Variants in ZNF382 observed in about 807,000 individuals in gnomAD.
ZNF382 encodes the protein zinc finger protein 382, also known as KRAB/zinc finger suppressor protein 1.
Under a neutral mutation model 38.8 loss-of-function variants are expected in ZNF382, and 20 were observed. That is an observed-to-expected ratio of 0.51 (90% CI 0.36 to 0.75). The LOEUF (loss-of-function observed/expected upper bound fraction) is 0.75. ZNF382 is among the 30% of genes least tolerant of loss of function. The probability of loss-of-function intolerance (pLI) is 0.00; values close to 1 mark genes in which losing one functional copy is unlikely to be tolerated. For missense variants in ZNF382, 546 were observed against 654.1 expected (o/e 0.83, Z 1.80); for synonymous variants, 202 against 223.1 (o/e 0.91, Z 0.84).
At chr19:36,621,669 C>T (rs1479382221) in intron 4 of ZNF382, among the ~76,000 whole-genome samples, 2 of 151,976 alleles carry the variant, frequency 1.3e-5, no homozygotes. Context: ...ATAGCATTTG[C>T]ACTGTATTAG....
intron 4 of ZNF382, among the ~76,000 whole-genome samples, chr19:36,614,987 T>C (rs774753623): frequency 7.6e-5 from 4 of 52,950 alleles, no homozygotes; most frequent in African/African-American, 5.5e-4. Context: ...TCCTTCTTTC[T>C]TTTTTTTTTT....
chr19:36,607,602 A>G lies in ZNF382; in HGVS notation c.-34A>G. The G allele has an allele frequency of 6.5e-7, 1 of 1,532,568 alleles. No homozygotes were observed. The highest frequency in any genetic ancestry group is 8.7e-7 in the Non-Finnish European group (1 of 1,145,942). 94.9% of individuals were successfully genotyped at this position (1,532,568 alleles called of 1,614,324 possible). On this transcript the variant is annotated 5_prime_UTR_variant, in exon 2 of 5. Transcript: ENST00000292928. Reference sequence around the variant, plus strand: ...GCTCAAAAGAGAAAGTTCATCTAGAAATCTCAAAGCCATGTCTCAGGTGAG... The same window carrying G: ...GCTCAAAAGAGAAAGTTCATCTAGAGATCTCAAAGCCATGTCTCAGGTGAG...
rs555288256 is a variant in ZNF382 at position 36,616,361 on chromosome 19, G to A, written c.232+5619G>A. On this transcript the variant is annotated intron_variant, in intron 4 of 4. Transcript: ENST00000292928. ...CCAGCCTGGGCAAGAGTGAGACCTC[G>A]TCTCTAAATAACTAAAATGTTTAAA... Among the ~76,000 whole-genome samples, 107 of 152,256 alleles carry A rather than the reference G, an allele frequency of 7.0e-4. 2 individuals carry two copies. The South Asian group carries it at 0.018, about 26-fold the overall frequency.
rs1436230771 is a variant in ZNF382, at chr19:36,624,091, A to G, written c.233-2039A>G. On this transcript the variant is annotated intron_variant, in intron 4 of 4. Transcript: ENST00000292928. Reference sequence around the variant, plus strand: ...GTGACAGAGTGAGACTTTGTCTCAAAAAAAAAAAGGAAAGACTATGTGAAA... The same window carrying G: ...GTGACAGAGTGAGACTTTGTCTCAAGAAAAAAAAGGAAAGACTATGTGAAA... Among the ~76,000 whole-genome samples, 8 of 152,150 alleles carry G rather than the reference A, an allele frequency of 5.3e-5. No homozygotes were observed. The East Asian group carries it at 1.5e-3, about 29-fold the overall frequency.
Position 36,626,686 on chromosome 19 carries a change from G to A in ZNF382, c.789G>A (p.Met263Ile). The A allele has an allele frequency of 1.2e-6, 2 of 1,613,924 alleles. No individual in the cohort carries two copies. Among genetic ancestry groups the A allele is most frequent in the Non-Finnish European group, 1.7e-6 (2 of 1,180,018 alleles). The stretch of plus-strand genomic sequence containing the variant: ...TCAGTGTCCATCCAAGTAATCTTAT[G>A]GAAAAGAAGCCCTCTGCCTACAACA... ...SSLSVHPSNLMEKKPSAYNKY... is the reference protein window; with the variant it reads ...SSLSVHPSNLIEKKPSAYNKY... Residue 263 changes from methionine to isoleucine, a missense_variant, in exon 5 of 5, where the codon ATG (methionine) becomes ATA (isoleucine). Transcript: ENST00000292928.
rs2037070491 is a variant in ZNF382 at position 36,610,706 on chromosome 19, T to C, written c.196T>C (p.Trp66Arg). ...IRKLEQGEEL[W>R]TQRIFPSYSY... ...CAAGTTGGAACAAGGAGAAGAGCTA[T>C]GGACACAGAGAATTTTTCCAAGTTA... Residue 66 changes from tryptophan to arginine, a missense_variant, in exon 4 of 5, where the codon TGG becomes CGG. Trp to Arg is a moderately radical substitution (Grantham distance 101, BLOSUM62 -3). Transcript: ENST00000292928. 3 of 1,613,504 alleles carry C rather than the reference T, an allele frequency of 1.9e-6. No individual in the cohort carries two copies. Among genetic ancestry groups the C allele is most frequent in the East Asian group, 2.2e-5 (1 of 44,806 alleles).
At position 36,628,431 on chromosome 19, in the gene ZNF382, T is replaced by A. The variant is rs186238251; in HGVS notation, c.*881T>A. 6.5e-6 allele frequency: 1 copy of A among 153,094 alleles called. No homozygotes were observed. Among genetic ancestry groups the A allele is most frequent in the African/African-American group, 2.4e-5 (1 of 41,578 alleles). The allele number at this position is 153,094 out of a possible 1,614,324, so 9.5% of individuals were successfully genotyped here. On this transcript the variant is annotated 3_prime_UTR_variant, in exon 5 of 5. Coordinates refer to ENST00000292928, the MANE Select transcript of ZNF382 (RefSeq NM_032825.5). ...GACACTGAAGGGAAACAGCTATAAA[T>A]TTTATCAATATGGTGCTGGTTCAAA... is the stretch of plus-strand genomic sequence containing the variant.
Position 36,609,939 on chromosome 19 carries a change from T to C in ZNF382, c.25T>C (p.Phe9Leu), listed in dbSNP as rs2037063763. 3 of 1,613,794 alleles carry C rather than the reference T, an allele frequency of 1.9e-6. No homozygotes were observed. The highest frequency in any genetic ancestry group is 2.5e-6 in the Non-Finnish European group (3 of 1,179,924). Residue 9 changes from phenylalanine (F) to leucine (L), a missense_variant, in exon 3 of 5, where the codon TTC becomes CTC. Physicochemically the swap from Phe to Leu is conservative, Grantham distance 22. Coordinates refer to ENST00000292928, the MANE Select transcript of ZNF382 (RefSeq NM_032825.5). ...TATGCCCTTACAGGGATCAGTGTCATTCAAGGATGTGACTGTGGACTTCAC... is the reference window on the plus strand; with the variant it reads ...TATGCCCTTACAGGGATCAGTGTCACTCAAGGATGTGACTGTGGACTTCAC... MPLQGSVS[F>L]KDVTVDFTQE...
At chr19:36,624,414 AGTATG>A (rs1257648150) in intron 4 of ZNF382, among the ~76,000 whole-genome samples, 9 of 152,240 alleles carry the variant, frequency 5.9e-5, no homozygotes, top group Admixed American at 5.9e-4. Flanking sequence ...GGCTGTTCCC[AGTATG>A]GGGCTATTAT....
chr19:36,625,319 A>C (rs1228256054), intron 4 of ZNF382, among the ~76,000 whole-genome samples: 7 of 151,646 alleles, frequency 4.6e-5, no homozygotes, highest in African/African-American at 1.7e-4. Flanking sequence ...GAGCTGAGAA[A>C]GTTCATTTAC....
chr19:36,624,131 C>T (rs1159026164), intron 4 of ZNF382, among the ~76,000 whole-genome samples: 1 of 151,742 alleles, frequency 6.6e-6, no homozygotes, highest in Non-Finnish European at 1.5e-5. Flanking sequence ...TATGAAAAAT[C>T]GGATAGTAGC....
At chr19:36,610,471 G>A in intron 3 of ZNF382, 179 bp from the exon 4 acceptor site, 2 of 468,716 alleles carry the variant, frequency 4.3e-6, no homozygotes, top group South Asian at 3.1e-5. Flanking sequence ...AAAAAGAAAA[G>A]AAAAGGAAAG....
intron 1 of ZNF382, among the ~76,000 whole-genome samples, chr19:36,606,212 G>A (rs113343656): frequency 1.7e-3 from 257 of 152,008 alleles, no homozygotes; most frequent in African/African-American, 6.0e-3. Context: ...GAGGGGAAGA[G>A]ATGATTTTCA....
At chr19:36,607,084 A>AAAG (rs2037037951) in intron 1 of ZNF382, among the ~76,000 whole-genome samples, 1 of 152,024 alleles carries the variant, frequency 6.6e-6, no homozygotes, top group African/African-American at 2.4e-5. Context: ...TCTCAAAAAA[A>AAAG]AAAAAAAAAA....
Position 36,626,195 on chromosome 19 carries a change from C to T in ZNF382, c.298C>T (p.Pro100Ser). 6.3e-7 allele frequency: 1 copy of T among 1,589,766 alleles called. No individual in the cohort carries two copies. Among genetic ancestry groups the T allele is most frequent in the Middle Eastern group, 1.7e-4 (1 of 5,916 alleles). Residue 100 changes from proline to serine, a missense_variant, in exon 5 of 5, where the codon CCC becomes TCC. Transcript: ENST00000292928. ...FKEYQDRHSR[P>S]LIFINHKKLI... ...AGAATACCAAGACAGGCATTCTAGACCCCTCATATTCATCAACCACAAAAA... is the reference window on the plus strand; with the variant it reads ...AGAATACCAAGACAGGCATTCTAGATCCCTCATATTCATCAACCACAAAAA...
intron 2 of ZNF382, chr19:36,608,463 G>A (rs2037051674): frequency 6.6e-6 from 1 of 152,114 alleles, no homozygotes; most frequent in Admixed American, 6.6e-5. Context: ...TTCTATTGTT[G>A]ATCAAACAGT....
intron 2 of ZNF382, chr19:36,607,830 A>T: frequency 1.9e-6 from 1 of 535,904 alleles, no homozygotes. Context: ...TAAATTTTGC[A>T]TTCTAGGTGC....
intron 1 of ZNF382, among the ~76,000 whole-genome samples, chr19:36,606,117 A>G (rs1207706269): frequency 6.6e-6 from 1 of 152,126 alleles, no homozygotes; most frequent in African/African-American, 2.4e-5. Context: ...GTAAGACTTG[A>G]TTATCTGAAT....
chr19:36,609,875 G>A, intron 2 of ZNF382, 27 bp from the exon 3 acceptor site: 1 of 1,563,936 alleles, frequency 6.4e-7, no homozygotes, highest in Non-Finnish European at 8.6e-7. Context: ...CCAATATCTA[G>A]TTCTCACACA....
Sources: allele counts gnomAD v4.1 joint callset (sites outside exome capture counted in the v4.1 genomes callset), GRCh38; gene constraint gnomAD v4.1.1; transcripts MANE v1.5; gene names NCBI Gene and HGNC (gene_info 2026-07-23, HGNC 2026-07-21).